SNX25: variants seen among roughly 807,000 people sequenced by gnomAD.
The protein encoded by SNX25 is sorting nexin-25.
SNX25 carries 62 observed loss-of-function variants against 113.7 expected under a neutral mutation model. The observed-to-expected ratio is 0.55, with a 90% CI of 0.44 to 0.67. SNX25 has a LOEUF of 0.67. Ranked by LOEUF, SNX25 falls within the 30% of genes least tolerant of loss-of-function variation. The pLI is 0.00. For synonymous variants in SNX25, 421 were observed against 436.2 expected, an observed-to-expected ratio of 0.97 and a Z score of 0.43; for missense variants, 1,014 against 1,161.0, an observed-to-expected ratio of 0.87 and a Z score of 1.84.
chr4:185,264,342 C>A, intron 3 of SNX25, 96 bp from the exon 4 acceptor site: 1 of 1,170,774 alleles, frequency 8.5e-7, no homozygotes, highest in Non-Finnish European at 1.2e-6. Context: ...TTACTATAAC[C>A]AATGTGTTTC....
chr4:185,221,992 C>A (rs1739953714), intron 1 of SNX25, among the ~76,000 whole-genome samples: 1 of 148,884 alleles, frequency 6.7e-6, no homozygotes, highest in African/African-American at 2.5e-5. Flanking sequence ...ATATACCCCT[C>A]CTTCATGGTA....
At chr4:185,323,092 T>A (rs919657350) in intron 8 of SNX25, among the ~76,000 whole-genome samples, 1 of 152,266 alleles carries the variant, frequency 6.6e-6, no homozygotes, top group African/African-American at 2.4e-5. Context: ...TTCTGAAGAG[T>A]GTTTTTCTCG....
intron 17 of SNX25, 100 bp from the exon 18 acceptor site, chr4:185,362,511 T>C: frequency 8.0e-7 from 1 of 1,242,522 alleles, no homozygotes; most frequent in Non-Finnish European, 1.1e-6. Context: ...CTCCATGTGT[T>C]TATTGACTGA....
At chr4:185,220,226 G>C (rs1292649419) in intron 1 of SNX25, among the ~76,000 whole-genome samples, 1 of 152,026 alleles carries the variant, frequency 6.6e-6, no homozygotes, top group African/African-American at 2.4e-5. Context: ...GCTTGAGTCT[G>C]TGACATCTTA....
At chr4:185,372,809 T>G (rs373553940), downstream of SNX25, 1 of 1,433,868 alleles carries the variant, frequency 7.0e-7, no homozygotes, top group South Asian at 1.3e-5. Context: ...AATTACCTAG[T>G]GTGTGATATT....
the SNX25 span, chr4:185,375,500 ATATATATATATATATG>A: frequency 1.5e-3 from 93 of 61,258 alleles, 1 homozygote; most frequent in East Asian, 0.011. Flanking sequence ...ATATATATAT[ATATATATATATATATG>A]TATATATATA....
chr4:185,226,830 G>A (rs1741068250), intron 1 of SNX25, among the ~76,000 whole-genome samples: 1 of 152,176 alleles, frequency 6.6e-6, no homozygotes, highest in Non-Finnish European at 1.5e-5. Flanking sequence ...AAAGAAATCT[G>A]CTTAGCTTTT....
chr4:185,215,189 A>C (rs1186396164), intron 1 of SNX25, among the ~76,000 whole-genome samples: 1 of 152,098 alleles, frequency 6.6e-6, no homozygotes, highest in African/African-American at 2.4e-5. Flanking sequence ...AGATCGTGCC[A>C]CTGCACTCCA....
intron 5 of SNX25, among the ~76,000 whole-genome samples, chr4:185,287,755 A>T (rs1751540448): frequency 6.6e-6 from 1 of 152,158 alleles, no homozygotes; most frequent in African/African-American, 2.4e-5. Flanking sequence ...ACAGGTAGTT[A>T]TGCTTCTGGT....
intron 10 of SNX25, among the ~76,000 whole-genome samples, chr4:185,332,994 T>C (rs994372066): frequency 6.6e-6 from 1 of 152,252 alleles, no homozygotes; most frequent in Non-Finnish European, 1.5e-5. Flanking sequence ...TACATCTGCT[T>C]TGCCTACAGG....
intron 1 of SNX25, among the ~76,000 whole-genome samples, chr4:185,225,851 GAATT>G (rs1434252978): frequency 6.6e-6 from 1 of 152,128 alleles, no homozygotes; most frequent in East Asian, 1.9e-4. Flanking sequence ...AAAAAACTAA[GAATT>G]AAACCCACGT....
intron 5 of SNX25, among the ~76,000 whole-genome samples, chr4:185,267,399 C>A (rs946936350): frequency 6.6e-6 from 1 of 152,000 alleles, no homozygotes. Context: ...CCCACGCTCC[C>A]CACCGCCCCC....
At chr4:185,341,367 C>T (rs2095259157) in intron 11 of SNX25, among the ~76,000 whole-genome samples, 1 of 152,344 alleles carries the variant, frequency 6.6e-6, no homozygotes, top group African/African-American at 2.4e-5. Context: ...GAGAGAGTTT[C>T]TGATGTATTT....
At chr4:185,371,540 T>TC (rs1197819698), downstream of SNX25, among the ~76,000 whole-genome samples, 11 of 78,304 alleles carry the variant, frequency 1.4e-4, 1 homozygote, top group Admixed American at 4.8e-4. Flanking sequence ...AGACTCCGTC[T>TC]AAAAAAAAAA....
intron 6 of SNX25, among the ~76,000 whole-genome samples, chr4:185,288,945 C>T (rs980061116): frequency 7.2e-5 from 11 of 152,124 alleles, no homozygotes; most frequent in South Asian, 2.1e-4. Flanking sequence ...GCTAAAAGAA[C>T]GGGGAAGAGT....
intron 6 of SNX25, among the ~76,000 whole-genome samples, chr4:185,302,663 G>A (rs1391692310): frequency 2.0e-5 from 3 of 152,212 alleles, no homozygotes; most frequent in Admixed American, 1.3e-4. Flanking sequence ...CGGAGACGCC[G>A]ACTCTGCCAG....
chr4:185,254,033 T>A (rs779174095), intron 2 of SNX25, among the ~76,000 whole-genome samples: 6 of 152,170 alleles, frequency 3.9e-5, no homozygotes, highest in Non-Finnish European at 8.8e-5. Context: ...TAGTCTTTTT[T>A]CCAAGGCCCA....
intron 1 of SNX25, among the ~76,000 whole-genome samples, chr4:185,224,620 A>C (rs1194337753): frequency 2.1e-5 from 3 of 145,960 alleles, no homozygotes; most frequent in African/African-American, 7.4e-5. Flanking sequence ...TAGATATATA[A>C]ATTTATATAA....
intron 5 of SNX25, among the ~76,000 whole-genome samples, chr4:185,277,141 C>G (rs369400907): frequency 1.3e-5 from 2 of 152,304 alleles, no homozygotes; most frequent in South Asian, 2.1e-4. Flanking sequence ...TCTTGTGCCT[C>G]AGCCTCCCGA....
Sources: allele counts gnomAD v4.1 joint callset (sites outside exome capture counted in the v4.1 genomes callset), GRCh38; gene constraint gnomAD v4.1.1; transcripts MANE v1.5; gene names NCBI Gene and HGNC (gene_info 2026-07-23, HGNC 2026-07-21).